Variants in CAMK2D observed in about 807,000 individuals in gnomAD.
The protein encoded by CAMK2D is calcium/calmodulin dependent protein kinase II delta.
In CAMK2D, 37 loss-of-function variants were observed where a neutral mutation model predicts 84.0. The observed-to-expected ratio is 0.44, with a 90% CI of 0.34 to 0.58. CAMK2D has a LOEUF of 0.58. CAMK2D is among the 20% of genes least tolerant of loss of function. CAMK2D has a pLI of 0.02. For missense variants in CAMK2D, 448 were observed against 652.5 expected, an observed-to-expected ratio of 0.69 and a Z score of 3.41; for synonymous variants, 202 against 212.5, an observed-to-expected ratio of 0.95 and a Z score of 0.43.
At chr4:113,502,521 C>CA (rs5861138) in intron 15 of CAMK2D, among the ~76,000 whole-genome samples, 35,584 of 133,878 alleles carry the variant, frequency 0.27, 4,535 homozygotes, top group African/African-American at 0.32. Flanking sequence ...TAACACTAAA[C>CA]AAAAAAAAAA....
At chr4:113,713,780 T>C (rs1208006930) in intron 2 of CAMK2D, among the ~76,000 whole-genome samples, 5 of 151,716 alleles carry the variant, frequency 3.3e-5, no homozygotes, top group African/African-American at 1.2e-4. Flanking sequence ...TGTTTTTTAA[T>C]AGCCTGGGTA....
chr4:113,511,219 A>G (rs932238397), intron 12 of CAMK2D, among the ~76,000 whole-genome samples: 5 of 152,212 alleles, frequency 3.3e-5, no homozygotes, highest in Admixed American at 6.5e-5. Context: ...ATGAAATAGG[A>G]TGAATAAAAT....
intron 2 of CAMK2D, among the ~76,000 whole-genome samples, chr4:113,749,268 C>T (rs995194891): frequency 6.8e-6 from 1 of 147,158 alleles, no homozygotes; most frequent in Non-Finnish European, 1.5e-5. Context: ...CCGCCCCCCC[C>T]ACCCAGTGTC....
intron 4 of CAMK2D, among the ~76,000 whole-genome samples, chr4:113,564,259 G>A (rs10470999): frequency 1.3e-5 from 2 of 152,022 alleles, no homozygotes; most frequent in South Asian, 2.1e-4. Context: ...CCTCCATAAC[G>A]TGGCACACTC....
chr4:113,674,822 A>G (rs916284833), intron 2 of CAMK2D, among the ~76,000 whole-genome samples: 22 of 152,026 alleles, frequency 1.4e-4, no homozygotes, highest in African/African-American at 5.3e-4. Context: ...TTTTTGTATC[A>G]CAGTTAACAG....
Position 113,523,545 on chromosome 4 carries a change from G to T in CAMK2D, c.602-5888C>A, listed in dbSNP as rs6839228. On this transcript the variant is annotated intron_variant, in intron 8 of 20. Coordinates refer to ENST00000511664, the MANE Select transcript of CAMK2D (RefSeq NM_001321571.2). ...CCCAGCACTTTGGGAGGCCGAAGTG[G>T]GCAGACTGCTTGAGCTCAGGAGTTT... Among the ~76,000 whole-genome samples the T allele has an allele frequency of 3.7e-3, 560 of 152,034 alleles. 4 individuals carry two copies. Among genetic ancestry groups the T allele is most frequent in the African/African-American group, 0.013 (538 of 41,448 alleles).
chr4:113,753,794 TGGGGGC>T, intron 2 of CAMK2D: 3 of 367,132 alleles, frequency 8.2e-6, no homozygotes, highest in Non-Finnish European at 6.2e-6. Flanking sequence ...TTCGGTTGGG[TGGGGGC>T]GGGGGTGGTA....
chr4:113,530,589 G>A (rs1486693593), intron 8 of CAMK2D, among the ~76,000 whole-genome samples: 5 of 152,192 alleles, frequency 3.3e-5, no homozygotes, highest in African/African-American at 1.2e-4. Context: ...AGGAAGGAAA[G>A]TGAGGTCTTT....
rs115807800 is a variant in CAMK2D at position 113,729,494 on chromosome 4, C to A, written c.160+29826G>T. ...TTCCTGACCTTTGCACTTGCCATTT[C>A]TTTTGCCTCACGTGCTCTTTTCTTG... On this transcript the variant is annotated intron_variant, in intron 2 of 20. Coordinates refer to ENST00000511664, the MANE Select transcript of CAMK2D (RefSeq NM_001321571.2). Among the ~76,000 whole-genome samples the A allele has an allele frequency of 7.7e-3, 1,170 of 151,340 alleles. 20 individuals are homozygous for A. Among genetic ancestry groups the A allele is most frequent in the African/African-American group, 0.027 (1,092 of 40,628 alleles).
chr4:113,622,721 A>G (rs2099051426), intron 3 of CAMK2D, among the ~76,000 whole-genome samples: 1 of 152,194 alleles, frequency 6.6e-6, no homozygotes, highest in African/African-American at 2.4e-5. Flanking sequence ...CCATGTTTGC[A>G]CCACTGCGCT....
At chr4:113,637,078 C>A (rs2099112742) in intron 3 of CAMK2D, among the ~76,000 whole-genome samples, 1 of 152,188 alleles carries the variant, frequency 6.6e-6, no homozygotes, top group Admixed American at 6.5e-5. Flanking sequence ...CCACACTTGG[C>A]CCACTTACCA....
At chr4:113,544,145 T>C (rs1479399159) in intron 6 of CAMK2D, among the ~76,000 whole-genome samples, 5 of 152,156 alleles carry the variant, frequency 3.3e-5, no homozygotes, top group Admixed American at 2.6e-4. Flanking sequence ...TGGTCAATGC[T>C]ACCTTACTGA....
At chr4:113,508,287 G>A (rs1356572030) in intron 13 of CAMK2D, 6 of 1,529,806 alleles carry the variant, frequency 3.9e-6, no homozygotes, top group African/African-American at 2.8e-5. Flanking sequence ...ACCAGTCAAA[G>A]AGAAAGGAAA....
chr4:113,735,289 G>A (rs77661499), intron 2 of CAMK2D, among the ~76,000 whole-genome samples: 5,075 of 44,600 alleles, frequency 0.11, 637 homozygotes, highest in African/African-American at 0.25. Context: ...ATCTCTACAG[G>A]AAAAAAAAAA....
chr4:113,654,452 T>C (rs2099189743), intron 3 of CAMK2D, among the ~76,000 whole-genome samples: 1 of 152,040 alleles, frequency 6.6e-6, no homozygotes, highest in Non-Finnish European at 1.5e-5. Context: ...CCAGGGCTAA[T>C]ATATATGGTA....
chr4:113,606,452 A>T (rs2098977851), intron 4 of CAMK2D, among the ~76,000 whole-genome samples: 1 of 151,330 alleles, frequency 6.6e-6, no homozygotes, highest in Non-Finnish European at 1.5e-5. Context: ...CCTGAATCGC[A>T]CCACTGCACT....
At chr4:113,587,034 G>A (rs1437333220) in intron 4 of CAMK2D, among the ~76,000 whole-genome samples, 6 of 152,140 alleles carry the variant, frequency 3.9e-5, no homozygotes. Flanking sequence ...CTGCTAAAGA[G>A]TAAATATAAA....
intron 4 of CAMK2D, among the ~76,000 whole-genome samples, chr4:113,552,310 C>T (rs936425351): frequency 4.6e-5 from 7 of 152,158 alleles, no homozygotes; most frequent in Non-Finnish European, 8.8e-5. Flanking sequence ...CATGAGGTCA[C>T]AATTTTCTGT....
chr4:113,492,847 T>TTA (rs1212338554), intron 16 of CAMK2D, among the ~76,000 whole-genome samples: 3 of 135,352 alleles, frequency 2.2e-5, no homozygotes, highest in South Asian at 4.9e-4. Flanking sequence ...GCATATATAT[T>TTA]TAGGATAGTT....
Sources: allele counts gnomAD v4.1 joint callset (sites outside exome capture counted in the v4.1 genomes callset), GRCh38; gene constraint gnomAD v4.1.1; transcripts MANE v1.5; gene names NCBI Gene and HGNC (gene_info 2026-07-23, HGNC 2026-07-21).